Variants in CLTCL1 observed in about 807,000 individuals in gnomAD.
The protein encoded by CLTCL1 is clathrin heavy chain like 1, also known as clathrin heavy chain 2.
A neutral mutation model predicts 190.0 loss-of-function variants in CLTCL1; 159 were observed. The ratio of observed to expected loss-of-function variants is 0.84; its 90% CI spans 0.74 to 0.95. The LOEUF is 0.95. Ranked by LOEUF, CLTCL1 falls within the 40% of genes least tolerant of loss-of-function variation. The pLI, the probability that CLTCL1 is intolerant of heterozygous loss-of-function variation, is 0.00. For missense variants in CLTCL1, 1,878 were observed against 2,033.4 expected (o/e 0.92, Z 1.47); for synonymous variants, 752 against 769.6 (o/e 0.98, Z 0.38).
Position 19,238,484 on chromosome 22 carries a change from C to T in CLTCL1, c.795+791G>A, listed in dbSNP as rs113188934. ...GACACTTCCACAACAATATTCTGCT[C>T]CTCAATAAGGAAAGCACACTTGATC... On this transcript the variant is annotated intron_variant, in intron 5 of 32. Coordinates refer to ENST00000427926, the MANE Select transcript of CLTCL1 (RefSeq NM_007098.4). 5.0e-4 allele frequency: 102 copies of T among 202,898 alleles called. 1 individual carries two copies. The highest frequency in any genetic ancestry group is 2.2e-3 in the African/African-American group (96 of 42,710). The allele number at this position is 202,898 out of a possible 1,614,324, so 12.6% of individuals were successfully genotyped here. A position where few individuals can be genotyped will look rare whatever the true frequency, so the allele number is the denominator to read the frequency against.
At position 19,239,295 on chromosome 22, in the gene CLTCL1, C is replaced by G; in HGVS notation, c.775G>C (p.Asp259His). 1 of 1,613,864 alleles carries G rather than the reference C, an allele frequency of 6.2e-7. No homozygotes were observed. Residue 259 changes from aspartate to histidine, a missense_variant, in exon 5 of 33, where the codon GAT becomes CAT. By Grantham distance (81) the Asp-to-His change is moderately conservative. Coordinates refer to ENST00000427926, the MANE Select transcript of CLTCL1 (RefSeq NM_007098.4). ...CGTACCTGCATAGCCACTGGAAAAT[C>G]ATTCTGTGCCTCTGGAGGAAAAAAC... ...DVFFPPEAQN[D>H]FPVAMQIGAK...
chr22:19,194,171 T>C (rs1458316635), intron 26 of CLTCL1, among the ~76,000 whole-genome samples: 3 of 152,192 alleles, frequency 2.0e-5, no homozygotes, highest in South Asian at 2.1e-4. Context: ...AGAGTGCTGA[T>C]TGGTGTACTT....
chr22:19,196,107 C>T lies in CLTCL1; in HGVS notation c.4191+159G>A, dbSNP rs117037622. Among the ~76,000 whole-genome samples the T allele has an allele frequency of 9.4e-3, 1,435 of 152,318 alleles. 34 individuals are homozygous for T. Among genetic ancestry groups the T allele is most frequent in the East Asian group, 0.069 (357 of 5,182 alleles). ...TCAGTTCCCTTCAAAGATGGAATTA[C>T]TACCATCTGCCCAGAGGGTGGTGGA... On this transcript the variant is annotated intron_variant, in intron 26 of 32. Transcript: ENST00000427926.
chr22:19,244,305 C>T (rs2086351173), intron 3 of CLTCL1, among the ~76,000 whole-genome samples: 1 of 152,146 alleles, frequency 6.6e-6, no homozygotes, highest in Non-Finnish European at 1.5e-5. Context: ...ATGGATGAAC[C>T]TTGAAAACAT....
chr22:19,276,693 G>A (rs1358970804), intron 1 of CLTCL1, among the ~76,000 whole-genome samples: 10 of 151,920 alleles, frequency 6.6e-5, no homozygotes, highest in East Asian at 3.9e-4. Flanking sequence ...TTTTTGAGCC[G>A]GAGTCTCGCT....
At chr22:19,188,450 C>T (rs573700865) in intron 27 of CLTCL1, among the ~76,000 whole-genome samples, 2 of 152,296 alleles carry the variant, frequency 1.3e-5, no homozygotes, top group Middle Eastern at 3.4e-3. Flanking sequence ...ACAGTACACA[C>T]CTTAATTAAA....
At chr22:19,222,145 T>C (rs2035427408) in intron 15 of CLTCL1, 52 bp from the exon 16 acceptor site, 1 of 1,598,846 alleles carries the variant, frequency 6.3e-7, no homozygotes, top group Non-Finnish European at 8.6e-7. Context: ...AAGTTATTGT[T>C]AGAAGCCTCC....
rs2085651453 is a variant in CLTCL1, at chr22:19,223,833, C to G, written c.2292+58G>C. 38 of 1,602,500 alleles carry G rather than the reference C, an allele frequency of 2.4e-5. No homozygotes were observed. The South Asian group carries it at 4.2e-4, about 18-fold the overall frequency. ...GCCCCTGGGACGTCCTGCGGATGGT[C>G]TGCCCCACCTGCCATCAGCAAGGGC... On this transcript the variant is annotated intron_variant, in intron 14 of 32. Transcript: ENST00000427926.
At chr22:19,197,966 C>T (rs904720635) in intron 24 of CLTCL1, among the ~76,000 whole-genome samples, 1 of 152,162 alleles carries the variant, frequency 6.6e-6, no homozygotes, top group Non-Finnish European at 1.5e-5. Context: ...TCTAGCTAGG[C>T]CCCTCCTCTG....
At chr22:19,230,355 C>T (rs2085883861) in intron 10 of CLTCL1, among the ~76,000 whole-genome samples, 2 of 152,236 alleles carry the variant, frequency 1.3e-5, no homozygotes, top group African/African-American at 2.4e-5. Context: ...CCGCCCGCCT[C>T]GGCCTCCCAA....
chr22:19,205,069 C>T (rs1555941974), intron 22 of CLTCL1, among the ~76,000 whole-genome samples: 1 of 147,466 alleles, frequency 6.8e-6, no homozygotes, highest in African/African-American at 2.5e-5. Flanking sequence ...AGGGCAATTT[C>T]TAAAGTTACA....
chr22:19,184,385 G>A, intron 29 of CLTCL1: 1 of 439,426 alleles, frequency 2.3e-6, no homozygotes, highest in Non-Finnish European at 4.6e-6. Context: ...GCCATCGCCT[G>A]CAGCACACAC....
At chr22:19,252,836 A>C (rs757440873) in intron 3 of CLTCL1, among the ~76,000 whole-genome samples, 3 of 152,286 alleles carry the variant, frequency 2.0e-5, no homozygotes, top group East Asian at 1.9e-4. Context: ...AACACGGAGA[A>C]ACCCCATCTC....
rs782142386 is a variant in CLTCL1 at position 19,191,423 on chromosome 22, C to T, written c.4204G>A (p.Glu1402Lys). The T allele has an allele frequency of 3.4e-5, 55 of 1,613,410 alleles. No individual in the cohort carries two copies. In the Admixed American group the frequency reaches 5.7e-4, roughly 17 times the overall value. ...AACTGCAGGGCTCTGTAACAGAGCT[C>T]GACGTTGGCAACCTGTGGTGAGCAA... ...KDIITKVANV[E>K]LCYRALQFYL... The change falls in exon 27 of 33, where the codon GAG becomes AAG. Residue 1402 changes from glutamate (E) to lysine (K), a missense_variant. Coordinates refer to ENST00000427926, the MANE Select transcript of CLTCL1 (RefSeq NM_007098.4).
chr22:19,258,732 A>T, intron 2 of CLTCL1: 1 of 692,794 alleles, frequency 1.4e-6, no homozygotes, highest in Non-Finnish European at 2.7e-6. Context: ...AACCATCCAA[A>T]AGACCACCAC....
chr22:19,269,585 C>T (rs537783194), intron 2 of CLTCL1, among the ~76,000 whole-genome samples: 33 of 152,276 alleles, frequency 2.2e-4, no homozygotes, highest in African/African-American at 7.2e-4. Flanking sequence ...ATACACACCA[C>T]GGAATACTAT....
chr22:19,221,871 A>G, intron 16 of CLTCL1, 80 bp downstream of exon 16: 1 of 1,494,226 alleles, frequency 6.7e-7, no homozygotes, highest in South Asian at 1.2e-5. Context: ...CTATAGAGAC[A>G]GTCCTGGAGA....
chr22:19,283,852 C>T (rs2087809903), intron 1 of CLTCL1, among the ~76,000 whole-genome samples: 1 of 151,880 alleles, frequency 6.6e-6, no homozygotes, highest in African/African-American at 2.4e-5. Flanking sequence ...CTTAGCTGAG[C>T]ATGGTGGCAC....
Position 19,274,969 on chromosome 22 carries a change from T to A in CLTCL1, c.250+654A>T, listed in dbSNP as rs371840492. Reference sequence around the variant, plus strand: ...TCTTCGAACTCCCAACCTCAGGTGATCTGCCTGCCTCGGCCTCCCAAAGTG... The same window carrying A: ...TCTTCGAACTCCCAACCTCAGGTGAACTGCCTGCCTCGGCCTCCCAAAGTG... On this transcript the variant is annotated intron_variant, in intron 2 of 32. Transcript: ENST00000427926. 1.2e-4 allele frequency among the ~76,000 whole-genome samples: 18 copies of A among 152,242 alleles called. No homozygotes were observed. The East Asian group carries it at 1.4e-3, about 11-fold the overall frequency.
Sources: gnomAD v4.1 joint callset for allele counts (sites outside exome capture counted in the v4.1 genomes callset) on GRCh38, gnomAD v4.1.1 for gene constraint, MANE v1.5 for transcripts, NCBI Gene and HGNC (gene_info 2026-07-23, HGNC 2026-07-21) for gene names.